The following MRPL37 variants were observed in gnomAD, a reference collection of about 807,000 sequenced individuals.
MRPL37 encodes the protein large ribosomal subunit protein mL37.
In MRPL37, 34 loss-of-function variants were observed where a neutral mutation model predicts 44.1. That is an observed-to-expected ratio of 0.77 (90% CI 0.59 to 1.03). MRPL37 has a LOEUF of 1.03. MRPL37 is among the 50% of genes least tolerant of loss of function. MRPL37 has a pLI of 0.00. For missense variants in MRPL37, 532 were observed against 543.7 expected (o/e 0.98, Z 0.21); for synonymous variants, 212 against 219.5 (o/e 0.97, Z 0.30).
chr1:54,216,790 T>G (rs1644200940), intron 6 of MRPL37, among the ~76,000 whole-genome samples: 1 of 152,146 alleles, frequency 6.6e-6, no homozygotes, highest in African/African-American at 2.4e-5. Flanking sequence ...GTGCCTCAGG[T>G]GGGCTGCCCT....
chr1:54,219,143 C>T (rs555275845), downstream of MRPL37, among the ~76,000 whole-genome samples: 1 of 152,364 alleles, frequency 6.6e-6, no homozygotes, highest in African/African-American at 2.4e-5. Flanking sequence ...CATGGGCACT[C>T]TGGAGCCAGA....
In MRPL37 at chr1:54,202,983, T is replaced by G. The variant is rs1489019261; in HGVS notation, c.347-2035T>G. ...GTGTTTACTTGATCCAGAACTTAGA[T>G]ACCTAGGTCTATGCATGTTCCTCCC... is the stretch of plus-strand genomic sequence containing the variant. On this transcript the variant is annotated intron_variant, in intron 1 of 6. Transcript: ENST00000360840. Among the ~76,000 whole-genome samples, 9 of 152,322 alleles carry G rather than the reference T, an allele frequency of 5.9e-5. No homozygotes were observed. In the South Asian group the frequency reaches 1.2e-3, roughly 21 times the overall value.
chr1:54,202,061 G>C (rs1351282817), intron 1 of MRPL37, among the ~76,000 whole-genome samples: 1 of 150,284 alleles, frequency 6.7e-6, no homozygotes, highest in Non-Finnish European at 1.5e-5. Flanking sequence ...AGAGTACAGT[G>C]GCATGATCGT....
intron 1 of MRPL37, among the ~76,000 whole-genome samples, chr1:54,202,479 C>T (rs1367945702): frequency 1.3e-5 from 2 of 151,938 alleles, no homozygotes; most frequent in Non-Finnish European, 2.9e-5. Flanking sequence ...GGTCTCTTTC[C>T]TTCCTTCCTT....
chr1:54,221,511 C>T (rs1644233592), downstream of MRPL37, among the ~76,000 whole-genome samples: 1 of 152,204 alleles, frequency 6.6e-6, no homozygotes, highest in Admixed American at 6.5e-5. Context: ...AAAACTGCAT[C>T]CAGGGGGGCG....
intron 5 of MRPL37, among the ~76,000 whole-genome samples, chr1:54,215,284 A>C (rs187542238): frequency 6.6e-6 from 1 of 152,084 alleles, no homozygotes; most frequent in East Asian, 1.9e-4. Context: ...AAATTATACC[A>C]CCTCTCTGAA....
chr1:54,222,839 C>A (rs573039103), downstream of MRPL37, among the ~76,000 whole-genome samples: 5 of 152,192 alleles, frequency 3.3e-5, no homozygotes, highest in African/African-American at 4.8e-5. Flanking sequence ...GCTCTTCCTG[C>A]AGCTTGCCTC....
At chr1:54,214,457 G>A (rs1174354568) in intron 5 of MRPL37, among the ~76,000 whole-genome samples, 5 of 152,156 alleles carry the variant, frequency 3.3e-5, no homozygotes, top group African/African-American at 1.2e-4. Flanking sequence ...ACTTCCTGAA[G>A]GCTCCGAAAG....
chr1:54,200,190 G>A lies in MRPL37; in HGVS notation c.-54G>A. On this transcript the variant is annotated 5_prime_UTR_variant, in exon 1 of 7. Transcript: ENST00000360840. ...GTCTCATTCGTTCCCAGCAGGCCCTGCGCGCGGCAACATGGCGGGGTCCAG... is the reference window on the plus strand; with the variant it reads ...GTCTCATTCGTTCCCAGCAGGCCCTACGCGCGGCAACATGGCGGGGTCCAG... 1 of 1,494,386 alleles carries A rather than the reference G, an allele frequency of 6.7e-7. No individual in the cohort carries two copies. The highest frequency in any genetic ancestry group is 8.9e-7 in the Non-Finnish European group (1 of 1,126,236). 92.6% of individuals were successfully genotyped at this position (1,494,386 alleles called of 1,614,324 possible). A position where few individuals can be genotyped will look rare whatever the true frequency, so the allele number is the denominator to read the frequency against.
chr1:54,207,559 C>T (rs1170290646), intron 3 of MRPL37: 1 of 152,134 alleles, frequency 6.6e-6, no homozygotes, highest in Non-Finnish European at 1.5e-5. Flanking sequence ...AGTACTTGGC[C>T]CATCATCAAG....
In MRPL37 at chr1:54,200,224, C is replaced by T. The variant is rs766702195; in HGVS notation, c.-20C>T. 3.9e-6 allele frequency: 6 copies of T among 1,541,026 alleles called. No homozygotes were observed. The Admixed American group carries it at 9.9e-5, about 26-fold the overall frequency. On this transcript the variant is annotated 5_prime_UTR_variant, in exon 1 of 7. Coordinates refer to ENST00000360840, the MANE Select transcript of MRPL37 (RefSeq NM_016491.4). ...AACATGGCGGGGTCCAGGTGGAGGT[C>T]TTGAGGCTATCAGATCGGTATGGCA...
At chr1:54,211,647 C>G (rs1034751665) in intron 4 of MRPL37, among the ~76,000 whole-genome samples, 3 of 152,042 alleles carry the variant, frequency 2.0e-5, no homozygotes, top group African/African-American at 7.2e-5. Context: ...CATGTGCTAC[C>G]ACACCTGGCT....
At chr1:54,221,235 TG>T (rs1332514233), downstream of MRPL37, among the ~76,000 whole-genome samples, 1 of 148,806 alleles carries the variant, frequency 6.7e-6, no homozygotes, top group Non-Finnish European at 1.5e-5. Flanking sequence ...TGGCTCAGGC[TG>T]GACCTGGGGC....
chr1:54,225,249 C>G, downstream of MRPL37: 2 of 1,234,298 alleles, frequency 1.6e-6, no homozygotes, highest in Non-Finnish European at 2.0e-6. Context: ...CACCTTCCGC[C>G]AAGGCCATCG....
downstream of MRPL37, chr1:54,220,723 C>T (rs763670231): frequency 1.5e-5 from 7 of 471,226 alleles, no homozygotes; most frequent in Non-Finnish European, 2.2e-5. Flanking sequence ...GCCAGCCTCC[C>T]GCCCAGTACA....
chr1:54,220,061 G>GT (rs145512851), downstream of MRPL37, among the ~76,000 whole-genome samples: 2,136 of 147,810 alleles, frequency 0.014, 47 homozygotes, highest in African/African-American at 0.046. Context: ...TGAGTCAAAC[G>GT]TTTTTTTTTT....
At chr1:54,224,786 G>C (rs1016289019), downstream of MRPL37, among the ~76,000 whole-genome samples, 2 of 152,090 alleles carry the variant, frequency 1.3e-5, no homozygotes, top group African/African-American at 4.8e-5. Flanking sequence ...AGCATTTCTT[G>C]CCTAAATGTC....
At position 54,205,320 on chromosome 1, in the gene MRPL37, C is replaced by T. The variant is rs1644113888; in HGVS notation, c.556C>T (p.Gln186Ter). The T allele has an allele frequency of 3.7e-6, 6 of 1,614,050 alleles. No homozygotes were observed. The highest frequency in any genetic ancestry group is 4.2e-6 in the Non-Finnish European group (5 of 1,180,022). The change falls in exon 3 of 7, where the codon CAG (glutamine) becomes TAG (stop). Residue 186 changes from glutamine (Q) to a stop codon, truncating the protein, a stop_gained. Transcript: ENST00000360840. LOFTEE classifies it high-confidence loss of function. ...YCPVIVDNLI[Q>*]LCKSQILKHP... ...CCCGGTCATCGTGGACAACCTAATA[C>T]AGCTGTGTAAATCTCAGATTCTCAA...
intron 4 of MRPL37, among the ~76,000 whole-genome samples, chr1:54,210,923 A>G (rs1644160060): frequency 6.6e-6 from 1 of 151,976 alleles, no homozygotes; most frequent in Non-Finnish European, 1.5e-5. Flanking sequence ...GTAAAGTTGG[A>G]ACTCCTTTGC....
Sources: allele counts gnomAD v4.1 joint callset (sites outside exome capture counted in the v4.1 genomes callset), GRCh38; gene constraint gnomAD v4.1.1; transcripts MANE v1.5; gene names NCBI Gene and HGNC (gene_info 2026-07-23, HGNC 2026-07-21).